Variants in PAM observed in about 807,000 individuals in gnomAD.
PAM encodes the protein peptidyl-glycine alpha-amidating monooxygenase.
A neutral mutation model predicts 122.1 loss-of-function variants in PAM; 72 were observed. The observed-to-expected ratio is 0.59, with a 90% CI of 0.49 to 0.72. PAM has a LOEUF of 0.72. PAM is among the 30% of genes least tolerant of loss of function. The probability of loss-of-function intolerance (pLI) is 0.00; values close to 1 mark genes in which losing one functional copy is unlikely to be tolerated. For synonymous variants in PAM, 389 were observed against 404.4 expected, an observed-to-expected ratio of 0.96 and a Z score of 0.46; for missense variants, 1,106 against 1,183.7, an observed-to-expected ratio of 0.93 and a Z score of 0.96.
rs149729893 is a variant in PAM, at chr5:102,984,404, C to A, written c.1484-5868C>A. Among the ~76,000 whole-genome samples, 516 of 152,098 alleles carry A rather than the reference C, an allele frequency of 3.4e-3. 3 individuals carry two copies. The highest frequency in any genetic ancestry group is 4.3e-3 in the Admixed American group (66 of 15,272). On this transcript the variant is annotated intron_variant, in intron 15 of 25. Coordinates refer to ENST00000438793, the MANE Select transcript of PAM (RefSeq NM_001177306.2). Reference sequence around the variant, plus strand: ...AAGGAATAGTAAAATATATTTCATGCAAATGAAAAACAAAAACAAGCACGA... The same window carrying A: ...AAGGAATAGTAAAATATATTTCATGAAAATGAAAAACAAAAACAAGCACGA...
intron 7 of PAM, 47 bp from the exon 8 acceptor site, chr5:102,946,790 T>C: frequency 8.6e-7 from 1 of 1,167,416 alleles, no homozygotes. Flanking sequence ...GAAATCCATT[T>C]TCTACATTAT....
chr5:102,829,625 C>G (rs192098365), intron 1 of PAM, among the ~76,000 whole-genome samples: 1 of 152,138 alleles, frequency 6.6e-6, no homozygotes. Flanking sequence ...CCGCTGGCCT[C>G]GGCCTCCCAA....
chr5:103,005,872 C>CT (rs1242417270), intron 18 of PAM, among the ~76,000 whole-genome samples: 1 of 152,162 alleles, frequency 6.6e-6, no homozygotes, highest in Non-Finnish European at 1.5e-5. Flanking sequence ...ATTTTCTTAA[C>CT]TGTCTGTATT....
chr5:102,857,903 G>T (rs1484137888), intron 1 of PAM, among the ~76,000 whole-genome samples: 1 of 152,172 alleles, frequency 6.6e-6, no homozygotes, highest in Admixed American at 6.5e-5. Context: ...CAATAAATAT[G>T]GAGGGTCTGT....
intron 11 of PAM, among the ~76,000 whole-genome samples, chr5:102,950,416 G>GTGTGTGTGTGTGTGT (rs1758418594): frequency 2.0e-3 from 287 of 146,046 alleles, no homozygotes; most frequent in African/African-American, 6.8e-3. Context: ...TATGTGGGTG[G>GTGTGTGTGTGTGTGT]GTGTGTGTGT....
chr5:103,015,688 T>C (rs375467642), intron 21 of PAM, among the ~76,000 whole-genome samples: 4 of 152,076 alleles, frequency 2.6e-5, no homozygotes, highest in East Asian at 1.9e-4. Context: ...CCCCCTGAGT[T>C]CCTATAGTGG....
At chr5:102,904,006 A>G (rs963994198) in intron 4 of PAM, among the ~76,000 whole-genome samples, 2 of 151,626 alleles carry the variant, frequency 1.3e-5, no homozygotes, top group African/African-American at 4.8e-5. Context: ...AAAGATTTGT[A>G]GAAGGAAAGG....
intron 5 of PAM, among the ~76,000 whole-genome samples, chr5:102,916,533 C>T (rs2151607118): frequency 6.6e-6 from 1 of 151,216 alleles, no homozygotes; most frequent in East Asian, 1.9e-4. Flanking sequence ...TTAAGTCTAA[C>T]ATTTAAAAGT....
At chr5:102,995,069 G>C (rs1775275108) in intron 16 of PAM, among the ~76,000 whole-genome samples, 1 of 152,056 alleles carries the variant, frequency 6.6e-6, no homozygotes. Context: ...CTAACTTGTA[G>C]AAAAATCAGT....
chr5:102,783,586 C>A (rs1236990634), intron 1 of PAM, among the ~76,000 whole-genome samples: 1 of 152,098 alleles, frequency 6.6e-6, no homozygotes, highest in African/African-American at 2.4e-5. Flanking sequence ...TTTGCAGATT[C>A]CAAATTCAGT....
chr5:102,762,629 G>GC (rs1752678711), intron 1 of PAM, among the ~76,000 whole-genome samples: 2 of 152,016 alleles, frequency 1.3e-5, no homozygotes, highest in East Asian at 3.9e-4. Context: ...GGAGAATTTA[G>GC]AATTATATTG....
At chr5:102,879,182 G>A (rs1005202840) in intron 3 of PAM, among the ~76,000 whole-genome samples, 6 of 151,934 alleles carry the variant, frequency 3.9e-5, no homozygotes, top group East Asian at 1.9e-4. Flanking sequence ...TGCCCGCTTC[G>A]GCCTCCCAGA....
At chr5:102,929,551 A>G (rs1256512283) in intron 7 of PAM, among the ~76,000 whole-genome samples, 2 of 152,214 alleles carry the variant, frequency 1.3e-5, no homozygotes, top group Non-Finnish European at 2.9e-5. Context: ...GAGTAACACT[A>G]CTAGGAAATT....
At chr5:102,842,886 A>G (rs183512670) in intron 1 of PAM, among the ~76,000 whole-genome samples, 2 of 152,324 alleles carry the variant, frequency 1.3e-5, no homozygotes, top group East Asian at 3.9e-4. Flanking sequence ...GATATATACA[A>G]CAATGTTAGG....
chr5:102,938,574 C>G (rs965583339), intron 7 of PAM, among the ~76,000 whole-genome samples: 1 of 151,956 alleles, frequency 6.6e-6, no homozygotes, highest in Admixed American at 6.6e-5. Context: ...TTTGAGAAAT[C>G]CTTATGCTTT....
rs117470100 is a variant in PAM at position 102,766,123 on chromosome 5, C to A, written c.-374+10775C>A. 1.3e-3 allele frequency among the ~76,000 whole-genome samples: 202 copies of A among 152,240 alleles called. 5 individuals carry two copies. In the East Asian group the frequency reaches 0.031, roughly 23 times the overall value. On this transcript the variant is annotated intron_variant, in intron 1 of 25. Coordinates refer to ENST00000438793, the MANE Select transcript of PAM (RefSeq NM_001177306.2). ...ATGATACAAGGCAGCAGCCCCTAACCTTTTTGGCACCAGGACCGGTTTCAT... is the reference window on the plus strand; with the variant it reads ...ATGATACAAGGCAGCAGCCCCTAACATTTTTGGCACCAGGACCGGTTTCAT...
intron 1 of PAM, chr5:102,838,707 G>A (rs1777739872): frequency 6.6e-6 from 1 of 152,160 alleles, no homozygotes; most frequent in East Asian, 1.9e-4. Context: ...ATAAAAATAA[G>A]AAGGAAACAG....
intron 1 of PAM, among the ~76,000 whole-genome samples, chr5:102,805,901 A>G (rs1481172488): frequency 1.3e-5 from 2 of 152,248 alleles, no homozygotes; most frequent in African/African-American, 4.8e-5. Context: ...AACAGGCCAC[A>G]TAATCTGGCC....
chr5:102,817,899 T>C (rs1770412758), intron 1 of PAM, among the ~76,000 whole-genome samples: 1 of 151,898 alleles, frequency 6.6e-6, no homozygotes, highest in Non-Finnish European at 1.5e-5. Context: ...TGGGCCTTTT[T>C]AATTGCTCCT....
Sources: gnomAD v4.1 joint callset for allele counts (sites outside exome capture counted in the v4.1 genomes callset) on GRCh38, gnomAD v4.1.1 for gene constraint, MANE v1.5 for transcripts, NCBI Gene and HGNC (gene_info 2026-07-23, HGNC 2026-07-21) for gene names.